The following SLC10A7 variants were observed in gnomAD, a reference collection of about 807,000 sequenced individuals.
SLC10A7 encodes the protein sodium/bile acid cotransporter 7.
Under a neutral mutation model 43.2 loss-of-function variants are expected in SLC10A7, and 29 were observed. The observed-to-expected ratio is 0.67, with a 90% confidence interval of 0.50 to 0.92. SLC10A7 has a LOEUF of 0.92. Ranked by LOEUF, SLC10A7 falls within the 40% of genes least tolerant of loss-of-function variation. The probability of loss-of-function intolerance (pLI) is 0.00; values close to 1 mark genes in which losing one functional copy is unlikely to be tolerated. For synonymous variants in SLC10A7, 152 were observed against 144.8 expected, an observed-to-expected ratio of 1.05 and a Z score of -0.35; for missense variants, 295 against 403.2, an observed-to-expected ratio of 0.73 and a Z score of 2.30.
intron 5 of SLC10A7, among the ~76,000 whole-genome samples, chr4:146,362,419 G>A (rs1400977651): frequency 4.6e-5 from 7 of 152,002 alleles, no homozygotes; most frequent in South Asian, 2.1e-4. Flanking sequence ...CCATGAAAAC[G>A]TTACAGGCCA....
intron 5 of SLC10A7, among the ~76,000 whole-genome samples, chr4:146,421,432 C>T (rs1728957759): frequency 6.6e-6 from 1 of 152,184 alleles, no homozygotes; most frequent in African/African-American, 2.4e-5. Flanking sequence ...CACTCACCAA[C>T]TTACCAATAA....
intron 5 of SLC10A7, among the ~76,000 whole-genome samples, chr4:146,429,470 C>G (rs1729611077): frequency 6.6e-6 from 1 of 151,946 alleles, no homozygotes; most frequent in African/African-American, 2.4e-5. Flanking sequence ...GTGAAACAAC[C>G]AAAGGAAAAC....
intron 5 of SLC10A7, among the ~76,000 whole-genome samples, chr4:146,413,673 T>C (rs1728358829): frequency 1.3e-5 from 2 of 152,164 alleles, no homozygotes. Flanking sequence ...AATACTATCG[T>C]TTGCAGACTT....
chr4:146,422,531 C>T (rs556755189), intron 5 of SLC10A7, among the ~76,000 whole-genome samples: 4 of 152,166 alleles, frequency 2.6e-5, no homozygotes, highest in Non-Finnish European at 2.9e-5. Context: ...ATAGTTTAAC[C>T]GTGTATAAAA....
chr4:146,418,002 A>AGATGATGATGATGATGATGAT (rs140809624), intron 5 of SLC10A7, among the ~76,000 whole-genome samples: 3 of 147,228 alleles, frequency 2.0e-5, no homozygotes, highest in Admixed American at 6.9e-5. Context: ...ATATCTGAAC[A>AGATGATGATGATGATGATGAT]GATGATGATG....
At chr4:146,349,939 A>C (rs1734910979) in intron 5 of SLC10A7, among the ~76,000 whole-genome samples, 1 of 152,142 alleles carries the variant, frequency 6.6e-6, no homozygotes, top group Admixed American at 6.5e-5. Context: ...GCATTATTTC[A>C]TATACCCTAG....
At chr4:146,404,087 G>T (rs1739404899) in intron 5 of SLC10A7, among the ~76,000 whole-genome samples, 1 of 152,154 alleles carries the variant, frequency 6.6e-6, no homozygotes, top group African/African-American at 2.4e-5. Context: ...AGGCTAGAGT[G>T]CAGTGGCATG....
intron 5 of SLC10A7, among the ~76,000 whole-genome samples, chr4:146,372,274 AG>A (rs1400007070): frequency 5.9e-5 from 9 of 151,644 alleles, no homozygotes; most frequent in African/African-American, 1.7e-4. Flanking sequence ...GGCAACATGG[AG>A]ACACCCCATC....
chr4:146,403,104 T>A (rs1739333676), intron 5 of SLC10A7, among the ~76,000 whole-genome samples: 1 of 152,224 alleles, frequency 6.6e-6, no homozygotes. Context: ...ACTATCTGTT[T>A]GTTATTACTG....
intron 5 of SLC10A7, among the ~76,000 whole-genome samples, chr4:146,427,293 C>T (rs2149860984): frequency 6.6e-6 from 1 of 152,222 alleles, no homozygotes; most frequent in South Asian, 2.1e-4. Flanking sequence ...TGTGATGCTG[C>T]CACTGCACAC....
chr4:146,456,122 A>G (rs1052113962), intron 4 of SLC10A7, among the ~76,000 whole-genome samples: 1 of 151,958 alleles, frequency 6.6e-6, no homozygotes, highest in Non-Finnish European at 1.5e-5. Flanking sequence ...GAAATTAGAA[A>G]AAGAAGGGCA....
At chr4:146,510,813 A>T (rs1473638387) in intron 2 of SLC10A7, among the ~76,000 whole-genome samples, 1 of 152,232 alleles carries the variant, frequency 6.6e-6, no homozygotes, top group Non-Finnish European at 1.5e-5. Flanking sequence ...CAAGGCTATA[A>T]GTCCTCAATT....
intron 5 of SLC10A7, among the ~76,000 whole-genome samples, chr4:146,407,571 G>A (rs943808621): frequency 1.5e-4 from 23 of 152,136 alleles, no homozygotes; most frequent in African/African-American, 5.6e-4. Flanking sequence ...GGGGGAAAAG[G>A]TGACTTCTGA....
At chr4:146,303,532 C>A (rs1731308240) in intron 7 of SLC10A7, among the ~76,000 whole-genome samples, 1 of 151,834 alleles carries the variant, frequency 6.6e-6, no homozygotes, top group South Asian at 2.1e-4. Context: ...CACCCACCAC[C>A]ACACCCAGCC....
chr4:146,472,143 T>G (rs1449220103), intron 4 of SLC10A7, among the ~76,000 whole-genome samples: 1 of 152,124 alleles, frequency 6.6e-6, no homozygotes, highest in Non-Finnish European at 1.5e-5. Flanking sequence ...CATTAAAGAA[T>G]AATGAACGTG....
intron 5 of SLC10A7, among the ~76,000 whole-genome samples, chr4:146,365,646 A>G (rs1405050258): frequency 6.6e-6 from 1 of 152,246 alleles, no homozygotes; most frequent in African/African-American, 2.4e-5. Context: ...CTTAGGCTTT[A>G]TAAGATAGAC....
chr4:146,305,298 C>T (rs1157277752), intron 7 of SLC10A7, among the ~76,000 whole-genome samples: 5 of 151,368 alleles, frequency 3.3e-5, no homozygotes, highest in East Asian at 1.9e-4. Context: ...AACTGGAAAT[C>T]ATCATTCTCA....
chr4:146,449,371 A>T (rs1340779417), intron 4 of SLC10A7, among the ~76,000 whole-genome samples: 1 of 152,158 alleles, frequency 6.6e-6, no homozygotes, highest in Non-Finnish European at 1.5e-5. Context: ...AGCCAAGAAG[A>T]TGCCACTGAA....
chr4:146,462,517 A>G (rs1732633210), intron 4 of SLC10A7, among the ~76,000 whole-genome samples: 1 of 152,152 alleles, frequency 6.6e-6, no homozygotes, highest in African/African-American at 2.4e-5. Flanking sequence ...CCTTCTCCAC[A>G]CCATTAACCT....
Sources: allele counts gnomAD v4.1 joint callset (sites outside exome capture counted in the v4.1 genomes callset), GRCh38; gene constraint gnomAD v4.1.1; transcripts MANE v1.5; gene names NCBI Gene and HGNC (gene_info 2026-07-23, HGNC 2026-07-21).